CLINT1: variants seen among roughly 807,000 people sequenced by gnomAD.
CLINT1 encodes the protein clathrin interacting protein localized in the trans-Golgi region.
In CLINT1, 15 loss-of-function variants were observed where a neutral mutation model predicts 70.4. The ratio of observed to expected loss-of-function variants is 0.21; its 90% CI spans 0.14 to 0.33. The LOEUF (loss-of-function observed/expected upper bound fraction) is 0.33, where lower values mean the gene tolerates loss of function less well. CLINT1 is among the 10% of genes least tolerant of loss of function. The probability of loss-of-function intolerance (pLI) is 1.00; values close to 1 mark genes in which losing one functional copy is unlikely to be tolerated. For missense variants in CLINT1, 615 were observed against 778.1 expected, an observed-to-expected ratio of 0.79 and a Z score of 2.49; for synonymous variants, 227 against 254.7, an observed-to-expected ratio of 0.89 and a Z score of 1.04.
chr5:157,857,131 T>C (rs1322921819), intron 1 of CLINT1, among the ~76,000 whole-genome samples: 5 of 150,682 alleles, frequency 3.3e-5, no homozygotes, highest in African/African-American at 1.2e-4. Context: ...CCTGTAGTCC[T>C]GGCCACTTGG....
At chr5:157,843,129 TTA>T (rs980460621) in intron 1 of CLINT1, among the ~76,000 whole-genome samples, 9 of 152,154 alleles carry the variant, frequency 5.9e-5, no homozygotes, top group African/African-American at 2.2e-4. Flanking sequence ...AAAAAAATTT[TTA>T]GAGTAAAAAT....
chr5:157,828,251 A>G (rs1763100642), intron 1 of CLINT1, among the ~76,000 whole-genome samples: 1 of 152,128 alleles, frequency 6.6e-6, no homozygotes, highest in Admixed American at 6.5e-5. Flanking sequence ...CCAGAGAGGC[A>G]CTCTAGCAGC....
At chr5:157,804,462 C>T (rs1337141576) in intron 7 of CLINT1, among the ~76,000 whole-genome samples, 1 of 152,014 alleles carries the variant, frequency 6.6e-6, no homozygotes, top group Non-Finnish European at 1.5e-5. Flanking sequence ...AATGGGGAAA[C>T]CCTAAGATCC....
intron 8 of CLINT1, 146 bp downstream of exon 8, chr5:157,803,504 A>T: frequency 2.0e-6 from 1 of 507,854 alleles, no homozygotes; most frequent in Non-Finnish European, 3.3e-6. Flanking sequence ...TAACACAATG[A>T]TTCCAAATAA....
chr5:157,813,373 T>A, intron 4 of CLINT1, 146 bp from the exon 5 acceptor site: 1 of 784,200 alleles, frequency 1.3e-6, no homozygotes, highest in Non-Finnish European at 1.9e-6. Flanking sequence ...TTGTGCTATT[T>A]AACTTTGTCA....
At chr5:157,823,166 A>G (rs1762928972) in intron 1 of CLINT1, among the ~76,000 whole-genome samples, 1 of 152,202 alleles carries the variant, frequency 6.6e-6, no homozygotes, top group Non-Finnish European at 1.5e-5. Context: ...GCATGCATAC[A>G]CACACCCATA....
At chr5:157,858,874 T>TCCCCCCCCCCCCCCCC in intron 1 of CLINT1, 56 bp downstream of exon 1, 1 of 957,434 alleles carries the variant, frequency 1.0e-6, no homozygotes, top group South Asian at 1.4e-5. Flanking sequence ...CAGCTCCTTC[T>TCCCCCCCCCCCCCCCC]CCCCCTCCCC....
At chr5:157,794,724 T>C (rs1695910375) in intron 9 of CLINT1, among the ~76,000 whole-genome samples, 174 bp downstream of exon 9, 1 of 152,244 alleles carries the variant, frequency 6.6e-6, no homozygotes, top group Non-Finnish European at 1.5e-5. Context: ...AAATAATTCA[T>C]TTGGCACATT....
intron 5 of CLINT1, among the ~76,000 whole-genome samples, chr5:157,812,325 C>T (rs1157997788): frequency 6.6e-6 from 1 of 152,110 alleles, no homozygotes; most frequent in Non-Finnish European, 1.5e-5. Flanking sequence ...TGCACATACA[C>T]AAAATGAGCA....
intron 1 of CLINT1, among the ~76,000 whole-genome samples, chr5:157,839,174 G>A (rs1042553005): frequency 2.6e-5 from 4 of 152,132 alleles, no homozygotes; most frequent in African/African-American, 9.7e-5. Flanking sequence ...GGCTATAGTG[G>A]GCCATGATCG....
In CLINT1 at chr5:157,786,707, T is replaced by C. The variant is rs1761737389; in HGVS notation, c.*939A>G. On this transcript the variant is annotated 3_prime_UTR_variant, in exon 12 of 12. Coordinates refer to ENST00000411809, the MANE Select transcript of CLINT1 (RefSeq NM_014666.4). ...CTGTATAAAATCTAAAAGCAAACAT[T>C]GAGTTGTAACATTTATATTTAACTT... 1 of 152,518 alleles carries C rather than the reference T, an allele frequency of 6.6e-6. No individual in the cohort carries two copies. The highest frequency in any genetic ancestry group is 2.1e-4 in the South Asian group (1 of 4,830). 9.4% of individuals were successfully genotyped at this position (152,518 alleles called of 1,614,324 possible). A position where few individuals can be genotyped will look rare whatever the true frequency, so the allele number is the denominator to read the frequency against.
At chr5:157,801,807 A>G (rs1431177083) in intron 8 of CLINT1, among the ~76,000 whole-genome samples, 1 of 152,210 alleles carries the variant, frequency 6.6e-6, no homozygotes, top group Non-Finnish European at 1.5e-5. Flanking sequence ...GGAGGAGGAA[A>G]TAATAGGGGG....
chr5:157,836,726 C>A (rs1047423005), intron 1 of CLINT1, among the ~76,000 whole-genome samples: 2 of 152,160 alleles, frequency 1.3e-5, no homozygotes, highest in Non-Finnish European at 2.9e-5. Context: ...TCTAAAATAT[C>A]CTCTCCTGGA....
At chr5:157,819,283 A>G (rs995648579) in intron 1 of CLINT1, among the ~76,000 whole-genome samples, 2 of 152,200 alleles carry the variant, frequency 1.3e-5, no homozygotes, top group African/African-American at 2.4e-5. Context: ...TCTACTATGG[A>G]AGAAAAGCAA....
chr5:157,787,660 T>A lies in CLINT1; in HGVS notation c.1864A>T (p.Asn622Tyr), dbSNP rs1381976130. The A allele has an allele frequency of 6.2e-7, 1 of 1,613,060 alleles. No individual in the cohort carries two copies. The highest frequency in any genetic ancestry group is 1.7e-5 in the Admixed American group (1 of 59,954). ...TTTACAATCTCTTATTTGCTAAAAT[T>A]GGCGAAATTTGCAAAGGCATCTTGC... ...PKQDAFANFA[N>Y]FSK is the part of the protein sequence containing the mutation. The change falls in exon 12 of 12, where the codon AAT becomes TAT. Residue 622 changes from asparagine to tyrosine, a missense_variant. Asn to Tyr is a moderately radical substitution (Grantham distance 143). Around this residue, in one of 2 missense-constraint regions of CLINT1, gnomAD observed 374 missense variants for 409.6 expected, o/e 0.91. Transcript: ENST00000411809.
intron 1 of CLINT1, among the ~76,000 whole-genome samples, chr5:157,858,473 C>T (rs1184476932): frequency 1.3e-5 from 2 of 152,156 alleles, no homozygotes; most frequent in African/African-American, 2.4e-5. Context: ...ACACCCCAAC[C>T]AGGTCTAAGG....
intron 1 of CLINT1, among the ~76,000 whole-genome samples, chr5:157,842,010 C>A (rs917538214): frequency 1.3e-5 from 2 of 152,172 alleles, no homozygotes; most frequent in South Asian, 4.1e-4. Context: ...CTCTCAAGTG[C>A]AGTCATTCTT....
chr5:157,795,058 A>T, intron 8 of CLINT1, 86 bp from the exon 9 acceptor site: 3 of 1,052,854 alleles, frequency 2.8e-6, no homozygotes. Context: ...CCACACAAAA[A>T]GTACCTAATA....
At chr5:157,824,058 C>T (rs1363332444) in intron 1 of CLINT1, among the ~76,000 whole-genome samples, 1 of 152,150 alleles carries the variant, frequency 6.6e-6, no homozygotes, top group Non-Finnish European at 1.5e-5. Context: ...ATCCCTGGTG[C>T]CAAAAAGGTT....
Sources: gnomAD v4.1 joint callset for allele counts (sites outside exome capture counted in the v4.1 genomes callset) on GRCh38, gnomAD v4.1.1 for gene constraint, gnomAD v4.1.1 regional missense constraint, MANE v1.5 for transcripts, NCBI Gene and HGNC (gene_info 2026-07-23, HGNC 2026-07-21) for gene names.